POLK: variants seen among roughly 807,000 people sequenced by gnomAD.
POLK encodes the protein polymerase (DNA directed) kappa.
A neutral mutation model predicts 94.0 loss-of-function variants in POLK; 76 were observed. That is an observed-to-expected ratio of 0.81 (90% CI 0.67 to 0.98). The LOEUF (loss-of-function observed/expected upper bound fraction) is 0.98. Ranked by LOEUF, POLK falls within the 50% of genes least tolerant of loss-of-function variation. The probability of loss-of-function intolerance (pLI) is 0.00; values close to 1 mark genes in which losing one functional copy is unlikely to be tolerated. For synonymous variants in POLK, 349 were observed against 325.4 expected (o/e 1.07, Z -0.78); for missense variants, 954 against 1,010.1 (o/e 0.94, Z 0.75).
chr5:75,528,427 T>A (rs1023460640), intron 1 of POLK, among the ~76,000 whole-genome samples: 4 of 152,192 alleles, frequency 2.6e-5, no homozygotes, highest in African/African-American at 9.6e-5. Flanking sequence ...ATATATTTAT[T>A]ATCTTTGTTT....
At chr5:75,512,726 T>C (rs1768113591) in intron 1 of POLK, 1 of 152,270 alleles carries the variant, frequency 6.6e-6, no homozygotes, top group Admixed American at 6.5e-5. Flanking sequence ...GCTATTTTAA[T>C]ATAGTCGATT....
intron 1 of POLK, among the ~76,000 whole-genome samples, chr5:75,541,427 T>G (rs975341535): frequency 6.6e-6 from 1 of 152,242 alleles, no homozygotes; most frequent in African/African-American, 2.4e-5. Context: ...TTCCACTTAT[T>G]GTTCTATAAG....
chr5:75,519,068 C>T (rs2112529089), intron 1 of POLK, among the ~76,000 whole-genome samples: 1 of 152,308 alleles, frequency 6.6e-6, no homozygotes, highest in South Asian at 2.1e-4. Context: ...TCAAACAGTC[C>T]TTCCACCTTG....
intron 3 of POLK, among the ~76,000 whole-genome samples, chr5:75,563,336 CA>C (rs758741169): frequency 1.3e-5 from 2 of 151,946 alleles, no homozygotes; most frequent in Admixed American, 6.6e-5. Context: ...TTAATCTTTT[CA>C]AAAAAACCAG....
exon 15 of POLK, chr5:75,598,159 C>G (rs1195744670): frequency 4.4e-6 from 2 of 457,208 alleles, no homozygotes; most frequent in East Asian, 3.7e-5. Flanking sequence ...GTTTGCTTTT[C>G]TAAGATACAT....
At chr5:75,521,966 C>T (rs563673433) in intron 1 of POLK, among the ~76,000 whole-genome samples, 2 of 152,320 alleles carry the variant, frequency 1.3e-5, no homozygotes, top group East Asian at 3.9e-4. Context: ...GTACCTCCTA[C>T]CTAGTGGTCC....
At chr5:75,566,821 C>T (rs1344211973) in intron 3 of POLK, among the ~76,000 whole-genome samples, 3 of 152,146 alleles carry the variant, frequency 2.0e-5, no homozygotes, top group South Asian at 2.1e-4. Flanking sequence ...TCCCCGAAGC[C>T]GTTATTCTTA....
At chr5:75,511,558 A>T, upstream of POLK, 1 of 1,457,020 alleles carries the variant, frequency 6.9e-7, no homozygotes, top group Non-Finnish European at 9.0e-7. Flanking sequence ...GGAAGAGAAA[A>T]TCCGGCCGCT....
intron 10 of POLK, among the ~76,000 whole-genome samples, chr5:75,589,969 A>G (rs1281785610): frequency 6.6e-6 from 1 of 152,210 alleles, no homozygotes; most frequent in Non-Finnish European, 1.5e-5. Context: ...AGTAATTGGA[A>G]TGATGTTCTC....
chr5:75,573,944 C>T (rs1333274581), intron 5 of POLK, 75 bp downstream of exon 5: 1 of 1,473,128 alleles, frequency 6.8e-7, no homozygotes, highest in East Asian at 2.3e-5. Context: ...GTCCAAGTGC[C>T]TTAGCACGTA....
rs142419584 is a variant in POLK at position 75,579,303 on chromosome 5, T to C, written c.695-1906T>C. ...CTTTCTTTACCGTGACTTCTACCCATCCAGATGGGGAAAAGGGCTCCAGGT... is the reference window on the plus strand; with the variant it reads ...CTTTCTTTACCGTGACTTCTACCCACCCAGATGGGGAAAAGGGCTCCAGGT... On this transcript the variant is annotated intron_variant, in intron 6 of 14. Transcript: ENST00000241436. Among the ~76,000 whole-genome samples the C allele has an allele frequency of 5.5e-4, 84 of 152,298 alleles. 1 individual carries two copies. The highest frequency in any genetic ancestry group is 1.9e-3 in the African/African-American group (79 of 41,574).
chr5:75,513,361 AT>A (rs1768163490), intron 1 of POLK, among the ~76,000 whole-genome samples: 1 of 151,968 alleles, frequency 6.6e-6, no homozygotes, highest in African/African-American at 2.4e-5. Context: ...TTATCTGTTG[AT>A]TTTTACCATT....
In POLK at chr5:75,576,814, T is replaced by G. The variant is rs150515841; in HGVS notation, c.575T>G (p.Phe192Cys). The change falls in exon 6 of 15, where the codon TTT (phenylalanine) becomes TGT (cysteine). Residue 192 changes from phenylalanine (F) to cysteine (C), a missense_variant. Coordinates refer to ENST00000241436, the Ensembl canonical transcript of POLK. ...ATACTTGCTGATTATGATCCCAATT[T>G]TATGGCCATGAGTCTTGATGAAGCC... 217 of 1,526,952 alleles carry G rather than the reference T, an allele frequency of 1.4e-4. 1 individual carries two copies. Among genetic ancestry groups the G allele is most frequent in the Middle Eastern group, 7.4e-4 (4 of 5,406 alleles). The allele number at this position is 1,526,952 out of a possible 1,614,324, so 94.6% of individuals were successfully genotyped here.
intron 12 of POLK, among the ~76,000 whole-genome samples, chr5:75,594,938 C>T (rs1295344342): frequency 6.6e-6 from 1 of 152,084 alleles, no homozygotes; most frequent in East Asian, 1.9e-4. Context: ...ACACTGAAAT[C>T]AACTGAATAA....
intron 13 of POLK, 52 bp downstream of exon 13, chr5:75,597,230 T>A: frequency 1.1e-6 from 1 of 900,354 alleles, no homozygotes; most frequent in Non-Finnish European, 1.8e-6. Context: ...TATGTATTAT[T>A]AAAATTAATG....
At chr5:75,573,110 A>G (rs1026076505) in intron 4 of POLK, among the ~76,000 whole-genome samples, 3 of 152,090 alleles carry the variant, frequency 2.0e-5, no homozygotes, top group Non-Finnish European at 2.9e-5. Context: ...CTTGGAACCA[A>G]CCCAAATGTC....
At chr5:75,511,094 G>A (rs769195277), upstream of POLK, 2 of 1,531,088 alleles carry the variant, frequency 1.3e-6, no homozygotes, top group African/African-American at 2.8e-5. Context: ...GGGTCCCTTG[G>A]CACCAGGGGT....
chr5:75,592,505 G>A (rs1772840450), intron 11 of POLK, among the ~76,000 whole-genome samples: 1 of 152,136 alleles, frequency 6.6e-6, no homozygotes, highest in South Asian at 2.1e-4. Flanking sequence ...CCTGAGGTCA[G>A]GAGTTTGAGA....
At chr5:75,604,155 C>T (rs1358858051), downstream of POLK, among the ~76,000 whole-genome samples, 1 of 152,218 alleles carries the variant, frequency 6.6e-6, no homozygotes, top group East Asian at 1.9e-4. Flanking sequence ...TGCTGTCACA[C>T]TGGGTCCTAA....
Sources: allele counts gnomAD v4.1 joint callset (sites outside exome capture counted in the v4.1 genomes callset), GRCh38; gene constraint gnomAD v4.1.1; transcripts MANE v1.5; gene names NCBI Gene and HGNC (gene_info 2026-07-23, HGNC 2026-07-21).